CNTN3: variants seen among roughly 807,000 people sequenced by gnomAD.
The protein encoded by CNTN3 is contactin 3.
A neutral mutation model predicts 119.1 loss-of-function variants in CNTN3; 60 were observed. The ratio of observed to expected loss-of-function variants is 0.50; its 90% CI spans 0.41 to 0.62. The LOEUF (loss-of-function observed/expected upper bound fraction) is 0.62, where lower values mean the gene tolerates loss of function less well. Ranked by LOEUF, CNTN3 falls within the 20% of genes least tolerant of loss-of-function variation. CNTN3 has a pLI of 0.00. For synonymous variants in CNTN3, 450 were observed against 438.7 expected (o/e 1.03, Z -0.32); for missense variants, 1,101 against 1,242.4 (o/e 0.89, Z 1.71).
At chr3:74,518,337 C>T (rs1017325250) in intron 2 of CNTN3, among the ~76,000 whole-genome samples, 21 of 151,940 alleles carry the variant, frequency 1.4e-4, no homozygotes, top group Admixed American at 1.1e-3. Flanking sequence ...AAGATTTAGT[C>T]TGCTGCAATA....
At position 74,365,618 on chromosome 3, in the gene CNTN3, T is replaced by C. The variant is rs1704169261; in HGVS notation, c.1031A>G (p.Lys344Arg). 1 of 1,613,450 alleles carries C rather than the reference T, an allele frequency of 6.2e-7. No individual in the cohort carries two copies. The highest frequency in any genetic ancestry group is 2.2e-5 in the East Asian group (1 of 44,874). ...CAGCCATCGGTAGGAAGGCTTGGGCTTGCCGCTTGCCCTGCATTCCCAATA... is the reference window on the plus strand; with the variant it reads ...CAGCCATCGGTAGGAAGGCTTGGGCCTGCCGCTTGCCCTGCATTCCCAATA... ...SLYWECRASG[K>R]PKPSYRWLKN... Residue 344 changes from lysine (K) to arginine (R), a missense_variant, in exon 9 of 23, where the codon AAG becomes AGG. Transcript: ENST00000263665.
intron 19 of CNTN3, among the ~76,000 whole-genome samples, chr3:74,288,101 T>G (rs1433769141): frequency 3.3e-5 from 5 of 152,046 alleles, no homozygotes; most frequent in African/African-American, 1.2e-4. Flanking sequence ...AGTGACATTT[T>G]CATAGTCTCA....
intron 5 of CNTN3, among the ~76,000 whole-genome samples, chr3:74,379,720 C>T (rs1704568904): frequency 6.6e-6 from 1 of 152,082 alleles, no homozygotes; most frequent in South Asian, 2.1e-4. Context: ...AAAGACATCT[C>T]AAGATGAAGA....
At position 74,456,412 on chromosome 3, in the gene CNTN3, AT is replaced by A. The variant is rs565971825; in HGVS notation, c.358+30043del. 2.5e-3 allele frequency among the ~76,000 whole-genome samples: 377 copies of A among 152,180 alleles called. 2 individuals are homozygous for A. The highest frequency in any genetic ancestry group is 8.6e-3 in the African/African-American group (358 of 41,534). ...ATCCTAAAGACAGCTCTCTGTATATATTTTTTGGCAACACATTAGGATTATG... is the reference window on the plus strand; with the variant it reads ...ATCCTAAAGACAGCTCTCTGTATATATTTTTGGCAACACATTAGGATTATG... On this transcript the variant is annotated intron_variant, in intron 4 of 22. Coordinates refer to ENST00000263665, the MANE Select transcript of CNTN3 (RefSeq NM_020872.3).
Position 74,424,889 on chromosome 3 carries a change from C to A in CNTN3, c.410G>T (p.Gly137Val). The A allele has an allele frequency of 6.2e-7, 1 of 1,613,638 alleles. No individual in the cohort carries two copies. Among genetic ancestry groups the A allele is most frequent in the African/African-American group, 1.3e-5 (1 of 75,020 alleles). The change falls in exon 5 of 23, where the codon GGC becomes GTC. Residue 137 changes from glycine to valine, a missense_variant. Physicochemically the swap from Gly to Val is moderately radical, Grantham distance 109. Coordinates refer to ENST00000263665, the MANE Select transcript of CNTN3 (RefSeq NM_020872.3). ...GCCGCAGAGCAGCACAACTCCCTGGCCTTCACGCACAGACACTGTACTCCT... is the reference window on the plus strand; with the variant it reads ...GCCGCAGAGCAGCACAACTCCCTGGACTTCACGCACAGACACTGTACTCCT... The part of the protein sequence containing the change: ...KMRSTVSVRE[G>V]QGVVLLCGPP...
intron 1 of CNTN3, among the ~76,000 whole-genome samples, chr3:74,613,256 T>C (rs1705112289): frequency 6.6e-6 from 1 of 151,478 alleles, no homozygotes; most frequent in South Asian, 2.1e-4. Flanking sequence ...CCACAGCACG[T>C]ACAGTCTTCC....
intron 20 of CNTN3, among the ~76,000 whole-genome samples, chr3:74,274,043 T>G (rs1272212091): frequency 2.0e-5 from 3 of 151,992 alleles, no homozygotes; most frequent in Non-Finnish European, 4.4e-5. Flanking sequence ...TGGCTTTCCT[T>G]CACTTCTCTG....
At chr3:74,488,105 A>T (rs1353686688) in intron 3 of CNTN3, among the ~76,000 whole-genome samples, 1 of 151,356 alleles carries the variant, frequency 6.6e-6, no homozygotes, top group Admixed American at 6.6e-5. Context: ...TATGAAAATT[A>T]TAAACCTCAA....
In CNTN3 at chr3:74,543,008, G is replaced by C. The variant is rs367684288; in HGVS notation, c.-80-21816C>G. On this transcript the variant is annotated intron_variant, in intron 1 of 22. Coordinates refer to ENST00000263665, the MANE Select transcript of CNTN3 (RefSeq NM_020872.3). Reference sequence around the variant, plus strand: ...CATGGTGGCATGTGCCTGTAGTGTAGTCCCAGCTACTTGGGAGGCTGAGGT... The same window carrying C: ...CATGGTGGCATGTGCCTGTAGTGTACTCCCAGCTACTTGGGAGGCTGAGGT... Among the ~76,000 whole-genome samples the C allele has an allele frequency of 3.9e-5, 6 of 152,094 alleles. No individual in the cohort carries two copies. The East Asian group carries it at 1.2e-3, about 30-fold the overall frequency.
rs758501831 is a variant in CNTN3 at position 74,424,938 on chromosome 3, G to C, written c.361C>G (p.Leu121Val). ...SREAKLQFAY[L>V]ENFKTKMRST... ...CTCATTTTGGTTTTAAAATTTTCAA[G>C]ATCTGATTTGAAAACAAAACAAAAC... The change falls in exon 5 of 23, where the codon CTT becomes GTT. Residue 121 changes from leucine to valine, a missense_variant and splice_region_variant. Physicochemically the swap from Leu to Val is conservative, Grantham distance 32. Transcript: ENST00000263665. 5.1e-5 allele frequency: 81 copies of C among 1,585,562 alleles called. No homozygotes were observed. The highest frequency in any genetic ancestry group is 6.5e-5 in the Non-Finnish European group (76 of 1,165,502).
intron 13 of CNTN3, among the ~76,000 whole-genome samples, chr3:74,311,009 G>A (rs774084993): frequency 5.3e-5 from 8 of 152,158 alleles, no homozygotes; most frequent in African/African-American, 9.7e-5. Context: ...GTATTTATTC[G>A]CCAAGATTCA....
chr3:74,371,485 A>G, intron 5 of CNTN3, 86 bp from the exon 6 acceptor site: 2 of 961,170 alleles, frequency 2.1e-6, no homozygotes, highest in South Asian at 1.5e-5. Flanking sequence ...ACAAACATCA[A>G]CTTTACTTCC....
chr3:74,504,599 GA>G (rs1403891032), intron 2 of CNTN3, among the ~76,000 whole-genome samples: 3 of 152,142 alleles, frequency 2.0e-5, no homozygotes, highest in Admixed American at 1.3e-4. Flanking sequence ...TTCGATCTTA[GA>G]ATATTTCATT....
At position 74,264,330 on chromosome 3, in the gene CNTN3, A is replaced by T; in HGVS notation, c.*71T>A. ...AGAGTTGAAAAAAACATGCATAATCACTGCATTTCATGAAAGCACTTTTTT... is the reference window on the plus strand; with the variant it reads ...AGAGTTGAAAAAAACATGCATAATCTCTGCATTTCATGAAAGCACTTTTTT... On this transcript the variant is annotated 3_prime_UTR_variant, in exon 23 of 23. Transcript: ENST00000263665. 1 of 650,010 alleles carries T rather than the reference A, an allele frequency of 1.5e-6. No individual in the cohort carries two copies. The highest frequency in any genetic ancestry group is 2.4e-6 in the Non-Finnish European group (1 of 410,414). 40.3% of individuals were successfully genotyped at this position (650,010 alleles called of 1,614,324 possible).
intron 2 of CNTN3, among the ~76,000 whole-genome samples, chr3:74,510,494 T>A (rs1237591663): frequency 3.3e-5 from 5 of 152,112 alleles, no homozygotes; most frequent in African/African-American, 1.2e-4. Context: ...AATAGCACCC[T>A]AACAGTAATC....
At chr3:74,454,967 C>G (rs1469499459) in intron 4 of CNTN3, among the ~76,000 whole-genome samples, 3 of 152,070 alleles carry the variant, frequency 2.0e-5, no homozygotes, top group Non-Finnish European at 4.4e-5. Flanking sequence ...ACTTTGGTGA[C>G]TCTGACAATT....
At chr3:74,426,133 T>C (rs1255270699) in intron 4 of CNTN3, among the ~76,000 whole-genome samples, 1 of 152,114 alleles carries the variant, frequency 6.6e-6, no homozygotes, top group Non-Finnish European at 1.5e-5. Context: ...AGAGAGAAAA[T>C]TCCGTTGACT....
At chr3:74,342,917 C>T (rs1453484429) in intron 11 of CNTN3, among the ~76,000 whole-genome samples, 1 of 152,114 alleles carries the variant, frequency 6.6e-6, no homozygotes, top group Admixed American at 6.5e-5. Flanking sequence ...ATTATAAATA[C>T]TCAGACGCAC....
chr3:74,430,420 T>C (rs909818039), intron 4 of CNTN3, among the ~76,000 whole-genome samples: 1 of 152,148 alleles, frequency 6.6e-6, no homozygotes, highest in Non-Finnish European at 1.5e-5. Flanking sequence ...ATTCCATTTA[T>C]GTAAAACTTT....
Sources: gnomAD v4.1 joint callset for allele counts (sites outside exome capture counted in the v4.1 genomes callset) on GRCh38, gnomAD v4.1.1 for gene constraint, MANE v1.5 for transcripts, NCBI Gene and HGNC (gene_info 2026-07-23, HGNC 2026-07-21) for gene names.